The following LINGO2 variants were observed in gnomAD, a reference collection of about 807,000 sequenced individuals.
LINGO2 encodes leucine rich repeat and Ig domain containing 2.
A neutral mutation model predicts 30.6 loss-of-function variants in LINGO2; 14 were observed. That is an observed-to-expected ratio of 0.46 (90% CI 0.30 to 0.72). The LOEUF is 0.72. LINGO2 is among the 30% of genes least tolerant of loss of function. The pLI, the probability that LINGO2 is intolerant of heterozygous loss-of-function variation, is 0.07. For synonymous variants in LINGO2, 317 were observed against 288.5 expected (o/e 1.10, Z -1.00); for missense variants, 729 against 751.7 (o/e 0.97, Z 0.35).
chr9:28,084,135 A>T (rs1368119713), intron 4 of LINGO2, among the ~76,000 whole-genome samples: 1 of 152,164 alleles, frequency 6.6e-6, no homozygotes, highest in Non-Finnish European at 1.5e-5. Context: ...GAAGGCAACC[A>T]TATATACAGC....
At chr9:28,267,215 T>G (rs1321864886) in intron 4 of LINGO2, among the ~76,000 whole-genome samples, 1 of 151,966 alleles carries the variant, frequency 6.6e-6, no homozygotes, top group Non-Finnish European at 1.5e-5. Flanking sequence ...TCATTTTGTG[T>G]TGTTGTTGTT....
chr9:29,151,897 G>A, the LINGO2 span, among the ~76,000 whole-genome samples: 2 of 151,984 alleles, frequency 1.3e-5, no homozygotes, highest in African/African-American at 2.4e-5. Flanking sequence ...AACTAAATTT[G>A]GGGAAACACA....
chr9:27,958,772 G>A (rs1435492893), intron 5 of LINGO2, among the ~76,000 whole-genome samples: 1 of 151,382 alleles, frequency 6.6e-6, no homozygotes, highest in African/African-American at 2.5e-5. Flanking sequence ...GTGGTTAAGG[G>A]GGGACTACTG....
At chr9:28,383,943 T>C (rs891119237) in intron 2 of LINGO2, among the ~76,000 whole-genome samples, 2 of 152,044 alleles carry the variant, frequency 1.3e-5, no homozygotes, top group Admixed American at 1.3e-4. Flanking sequence ...TATGATCTTA[T>C]GCTAATACAG....
In LINGO2 at chr9:28,233,054, AT is replaced by A. The variant is rs1821422742; in HGVS notation, c.-87+62153del. On this transcript the variant is annotated intron_variant, in intron 4 of 5. Transcript: ENST00000379992. Reference sequence around the variant, plus strand: ...ATTATATATATATATATATATATATATATATATTAGATATATAATAGATATA... The same window carrying A: ...ATTATATATATATATATATATATATAATATATTAGATATATAATAGATATA... 1.0e-4 allele frequency among the ~76,000 whole-genome samples: 12 copies of A among 120,058 alleles called. No individual in the cohort carries two copies. The East Asian group carries it at 1.5e-3, about 15-fold the overall frequency. 78.8% of individuals were successfully genotyped at this position (120,058 alleles called of 152,430 possible).
chr9:28,209,927 T>TA (rs1447436228), intron 4 of LINGO2, among the ~76,000 whole-genome samples: 1 of 151,724 alleles, frequency 6.6e-6, no homozygotes, highest in Non-Finnish European at 1.5e-5. Context: ...CACTGAAAAA[T>TA]AAAAAATTCC....
rs1823476327 is a variant in LINGO2, at chr9:27,948,891, T to TC, written c.1780dup (p.Glu594GlyfsTer31). ...GTTGAACCTCCTGGGTCCAGCTACC[T>TC]CCCCTTCCACAACAGCACCATTGTT... On this transcript the variant is annotated frameshift_variant, in exon 6 of 6. Coordinates refer to ENST00000379992, the Ensembl canonical transcript of LINGO2. LOFTEE classifies it high-confidence loss of function. The TC allele has an allele frequency of 1.9e-6, 3 of 1,613,220 alleles. No individual in the cohort carries two copies. Among genetic ancestry groups the TC allele is most frequent in the Non-Finnish European group, 2.5e-6 (3 of 1,179,736 alleles).
At chr9:28,769,561 A>G in the LINGO2 span, among the ~76,000 whole-genome samples, 1 of 114,954 alleles carries the variant, frequency 8.7e-6, no homozygotes, top group Non-Finnish European at 1.7e-5. Flanking sequence ...AATGTCCTCC[A>G]GTTTTTCATT....
chr9:27,954,719 T>C (rs1334301572), intron 5 of LINGO2, among the ~76,000 whole-genome samples: 1 of 152,186 alleles, frequency 6.6e-6, no homozygotes, highest in African/African-American at 2.4e-5. Context: ...GATAAAGACA[T>C]ACCCAAGACT....
intron 3 of LINGO2, among the ~76,000 whole-genome samples, chr9:28,356,462 CA>C (rs1486800288): frequency 3.3e-5 from 5 of 152,114 alleles, no homozygotes; most frequent in Non-Finnish European, 7.4e-5. Flanking sequence ...GCCTTATTGT[CA>C]CTCTGTTGGT....
chr9:29,081,474 C>A, the LINGO2 span, among the ~76,000 whole-genome samples: 1 of 152,082 alleles, frequency 6.6e-6, no homozygotes, highest in Non-Finnish European at 1.5e-5. Context: ...CAGCCAATAT[C>A]ATACTGAATG....
At chr9:29,086,888 G>C in the LINGO2 span, among the ~76,000 whole-genome samples, 1 of 146,208 alleles carries the variant, frequency 6.8e-6, no homozygotes, top group Non-Finnish European at 1.5e-5. Flanking sequence ...ATTAAGAGCA[G>C]TGATTTTTTT....
intron 5 of LINGO2, among the ~76,000 whole-genome samples, chr9:27,952,523 T>C (rs1250829535): frequency 6.6e-6 from 1 of 151,978 alleles, no homozygotes. Flanking sequence ...ACACCTGCCA[T>C]ACAATGCATT....
intron 1 of LINGO2, among the ~76,000 whole-genome samples, chr9:28,601,108 A>C (rs998964084): frequency 1.3e-5 from 2 of 152,112 alleles, no homozygotes; most frequent in Non-Finnish European, 2.9e-5. Context: ...GGCATTTTCA[A>C]GTCCAATTTA....
chr9:28,054,789 T>TAAGGA (rs1563947122), intron 4 of LINGO2, among the ~76,000 whole-genome samples: 1 of 139,692 alleles, frequency 7.2e-6, no homozygotes, highest in African/African-American at 2.9e-5. Context: ...GGCTATAACT[T>TAAGGA]AATTTTTAAT....
the LINGO2 span, among the ~76,000 whole-genome samples, chr9:28,809,464 G>T: frequency 6.6e-6 from 1 of 152,144 alleles, no homozygotes; most frequent in East Asian, 1.9e-4. Flanking sequence ...ATGCTAGGAT[G>T]GCTGGGCGTG....
chr9:28,121,159 A>G (rs1349553129), intron 4 of LINGO2, among the ~76,000 whole-genome samples: 1 of 152,206 alleles, frequency 6.6e-6, no homozygotes, highest in Non-Finnish European at 1.5e-5. Flanking sequence ...CTAGAAAGAA[A>G]TAAGAATAAA....
intron 5 of LINGO2, among the ~76,000 whole-genome samples, chr9:28,005,558 T>C (rs1417067494): frequency 6.6e-6 from 1 of 152,150 alleles, no homozygotes; most frequent in Non-Finnish European, 1.5e-5. Context: ...TATACTTATT[T>C]TTTAAGTGAG....
At chr9:29,149,504 G>A in the LINGO2 span, among the ~76,000 whole-genome samples, 1 of 151,966 alleles carries the variant, frequency 6.6e-6, no homozygotes, top group Admixed American at 6.5e-5. Flanking sequence ...TGATAGAGAG[G>A]CAACGCGGGC....
Sources: allele counts gnomAD v4.1 joint callset (sites outside exome capture counted in the v4.1 genomes callset), GRCh38; gene constraint gnomAD v4.1.1; transcripts MANE v1.5; gene names NCBI Gene and HGNC (gene_info 2026-07-23, HGNC 2026-07-21).